MED15: variants seen among roughly 807,000 people sequenced by gnomAD.
The protein encoded by MED15 is mediator of RNA polymerase II transcription subunit 15.
In MED15, 41 loss-of-function variants were observed where a neutral mutation model predicts 118.7. The observed-to-expected ratio is 0.35, with a 90% CI of 0.27 to 0.45. MED15 has a LOEUF of 0.45. MED15 is among the 20% of genes least tolerant of loss of function. MED15 has a pLI of 1.00. For synonymous variants in MED15, 436 were observed against 413.9 expected (o/e 1.05, Z -0.65); for missense variants, 740 against 1,025.5 (o/e 0.72, Z 3.80).
intron 9 of MED15, among the ~76,000 whole-genome samples, chr22:20,579,498 G>A (rs774550457): frequency 1.2e-4 from 19 of 152,064 alleles, no homozygotes; most frequent in South Asian, 2.1e-4. Context: ...ACTGAGTGCC[G>A]GAGCCAGGAG....
At chr22:20,581,995 G>T (rs2146670561) in intron 9 of MED15, 1 of 154,132 alleles carries the variant, frequency 6.5e-6, no homozygotes, top group South Asian at 2.0e-4. Flanking sequence ...CGCTGGTGTG[G>T]GCCGATGCAA....
chr22:20,528,885 T>C (rs970958751), intron 1 of MED15, among the ~76,000 whole-genome samples: 2 of 152,128 alleles, frequency 1.3e-5, no homozygotes, highest in African/African-American at 4.8e-5. Context: ...AAACCTCCTG[T>C]GGTCACCTGG....
intron 1 of MED15, among the ~76,000 whole-genome samples, 155 bp from the exon 2 acceptor site, chr22:20,536,962 T>G (rs2055103366): frequency 6.6e-6 from 1 of 152,190 alleles, no homozygotes; most frequent in South Asian, 2.1e-4. Flanking sequence ...TGAGTGCCCC[T>G]TCCCATATGC....
chr22:20,576,234 G>T (rs2056821411), intron 9 of MED15, among the ~76,000 whole-genome samples: 1 of 152,230 alleles, frequency 6.6e-6, no homozygotes, highest in South Asian at 2.1e-4. Context: ...CATCAAATTT[G>T]CCAAAAGAAC....
At chr22:20,543,561 T>A (rs186385740) in intron 2 of MED15, among the ~76,000 whole-genome samples, 175 of 149,328 alleles carry the variant, frequency 1.2e-3, no homozygotes, top group Non-Finnish European at 2.0e-3. Flanking sequence ...GCTGAGTCCT[T>A]TTTTTTATTT....
intron 2 of MED15, among the ~76,000 whole-genome samples, chr22:20,538,819 C>T (rs567998147): frequency 4.2e-4 from 64 of 152,016 alleles, no homozygotes; most frequent in Admixed American, 3.3e-3. Context: ...TCCGCCTCAG[C>T]CTCCCAAGTA....
chr22:20,555,276 T>C, intron 5 of MED15, 128 bp downstream of exon 5: 1 of 1,093,498 alleles, frequency 9.1e-7, no homozygotes, highest in Non-Finnish European at 1.3e-6. Flanking sequence ...TTTTTGTTTT[T>C]TAAATCTTTG....
chr22:20,583,297 T>C lies in MED15; in HGVS notation c.1673-33T>C, dbSNP rs1232098397. 5 of 1,613,558 alleles carry C rather than the reference T, an allele frequency of 3.1e-6. No homozygotes were observed. In the African/African-American group the frequency reaches 6.7e-5, roughly 22 times the overall value. ...CTGCACCCTGGGGACACCACCAGGC[T>C]TGTGTCTTAGTGTGTACCCTCTTCT... is the stretch of plus-strand genomic sequence containing the variant. On this transcript the variant is annotated intron_variant, in intron 12 of 17. Transcript: ENST00000263205.
rs967021736 is a variant in MED15 at position 20,568,550 on chromosome 22, C to A, written c.1071C>A (p.Pro357=). ...FVRAPMVVQQ[P]PVQPQVQQQQ... ...GAGCTCCGATGGTGGTGCAGCAGCC[C>A]CCAGTGCAGCCCCAGGTGCAGCAGC... Residue 357 remains proline, a synonymous_variant, in exon 8 of 18, where the codon CCC becomes CCA. Coordinates refer to ENST00000263205, the MANE Select transcript of MED15 (RefSeq NM_001003891.3). 1 of 1,613,802 alleles carries A rather than the reference C, an allele frequency of 6.2e-7. No homozygotes were observed. Among genetic ancestry groups the A allele is most frequent in the Non-Finnish European group, 8.5e-7 (1 of 1,180,006 alleles).
intron 2 of MED15, among the ~76,000 whole-genome samples, chr22:20,548,906 A>G (rs2055662795): frequency 6.6e-6 from 1 of 152,140 alleles, no homozygotes; most frequent in South Asian, 2.1e-4. Flanking sequence ...TCCCAGGCTC[A>G]AGCCTCAGCC....
intron 5 of MED15, among the ~76,000 whole-genome samples, chr22:20,561,555 A>C (rs1034554656): frequency 6.6e-6 from 1 of 152,118 alleles, no homozygotes; most frequent in Non-Finnish European, 1.5e-5. Context: ...ATATTAATAG[A>C]AAATAAGTTT....
chr22:20,575,834 CA>C (rs2146643197), intron 9 of MED15, among the ~76,000 whole-genome samples: 1 of 151,994 alleles, frequency 6.6e-6, no homozygotes, highest in African/African-American at 2.4e-5. Context: ...TCAGTCGCAC[CA>C]AATAAATTTT....
chr22:20,570,631 T>C (rs1215002999), intron 8 of MED15, among the ~76,000 whole-genome samples: 1 of 151,622 alleles, frequency 6.6e-6, no homozygotes, highest in Non-Finnish European at 1.5e-5. Context: ...CCTCAAGTGA[T>C]TCACCCGCCT....
intron 8 of MED15, among the ~76,000 whole-genome samples, chr22:20,571,133 G>A (rs948324599): frequency 6.6e-6 from 1 of 152,196 alleles, no homozygotes; most frequent in Non-Finnish European, 1.5e-5. Flanking sequence ...TTTTCAGCTG[G>A]TGCAGGCCCA....
chr22:20,558,880 G>T (rs1333162123), intron 5 of MED15, among the ~76,000 whole-genome samples: 1 of 152,192 alleles, frequency 6.6e-6, no homozygotes, highest in Admixed American at 6.5e-5. Flanking sequence ...AAGATCACCA[G>T]CCTTGAAGGG....
At chr22:20,585,575 T>G in intron 16 of MED15, 153 bp from the exon 17 acceptor site, 3 of 759,166 alleles carry the variant, frequency 4.0e-6, no homozygotes, top group Non-Finnish European at 6.5e-6. Flanking sequence ...GGCTTCACGT[T>G]TGGAAATCTG....
At chr22:20,532,763 G>A (rs574426308) in intron 1 of MED15, among the ~76,000 whole-genome samples, 5 of 152,332 alleles carry the variant, frequency 3.3e-5, no homozygotes, top group African/African-American at 1.2e-4. Flanking sequence ...TGTTGCTTAT[G>A]TTGGACAGGA....
At position 20,562,905 on chromosome 22, in the gene MED15, A is replaced by G. The variant is rs530184577; in HGVS notation, c.452-1545A>G. 8.6e-5 allele frequency among the ~76,000 whole-genome samples: 13 copies of G among 151,924 alleles called. 1 individual carries two copies. The highest frequency in any genetic ancestry group is 3.1e-4 in the African/African-American group (13 of 41,454). Reference sequence around the variant, plus strand: ...TTACAAATTAGTTGGGTGTGGTGGCATGCACCTGTAGTTCCAGCTACTCGG... The same window carrying G: ...TTACAAATTAGTTGGGTGTGGTGGCGTGCACCTGTAGTTCCAGCTACTCGG... On this transcript the variant is annotated intron_variant, in intron 5 of 17. Coordinates refer to ENST00000263205, the MANE Select transcript of MED15 (RefSeq NM_001003891.3).
intron 2 of MED15, 89 bp from the exon 3 acceptor site, chr22:20,551,347 G>A (rs753417141): frequency 1.2e-5 from 14 of 1,205,186 alleles, no homozygotes; most frequent in South Asian, 2.4e-5. Flanking sequence ...GCTTCAGCTC[G>A]GTGCCAGCAG....
Sources: gnomAD v4.1 joint callset for allele counts (sites outside exome capture counted in the v4.1 genomes callset) on GRCh38, gnomAD v4.1.1 for gene constraint, MANE v1.5 for transcripts, NCBI Gene and HGNC (gene_info 2026-07-23, HGNC 2026-07-21) for gene names.